NRG1: variants seen among roughly 807,000 people sequenced by gnomAD.
NRG1 encodes neuregulin 1.
Under a neutral mutation model 63.8 loss-of-function variants are expected in NRG1, and 18 were observed. The ratio of observed to expected loss-of-function variants is 0.28; its 90% CI spans 0.19 to 0.42. NRG1 has a LOEUF of 0.42. Ranked by LOEUF, NRG1 falls within the 10% of genes least tolerant of loss-of-function variation. The probability of loss-of-function intolerance (pLI) is 1.00; values close to 1 mark genes in which losing one functional copy is unlikely to be tolerated. For missense variants in NRG1, 762 were observed against 814.7 expected (o/e 0.94, Z 0.79); for synonymous variants, 302 against 301.3 (o/e 1.00, Z -0.02).
At chr8:32,589,948 T>C (rs1160372961) in intron 1 of NRG1, among the ~76,000 whole-genome samples, 1 of 152,200 alleles carries the variant, frequency 6.6e-6, no homozygotes, top group Non-Finnish European at 1.5e-5. Flanking sequence ...TATAAGTATT[T>C]TTGGATTACA....
At chr8:31,776,172 G>C (rs1004893119) in intron 1 of NRG1, among the ~76,000 whole-genome samples, 1 of 152,192 alleles carries the variant, frequency 6.6e-6, no homozygotes, top group South Asian at 2.1e-4. Context: ...TGGAACTCGA[G>C]GGGTTGGCCA....
intron 1 of NRG1, among the ~76,000 whole-genome samples, chr8:32,530,506 T>C (rs1452725250): frequency 5.3e-5 from 8 of 152,094 alleles, no homozygotes; most frequent in Non-Finnish European, 2.9e-5. Context: ...AATAATAAAT[T>C]AAGTTGTTTG....
intron 1 of NRG1, among the ~76,000 whole-genome samples, chr8:32,174,155 G>A (rs567394006): frequency 6.6e-6 from 1 of 152,180 alleles, no homozygotes; most frequent in Non-Finnish European, 1.5e-5. Flanking sequence ...AGACCACAGT[G>A]CAATCAAACT....
chr8:31,784,702 C>A (rs1820015935), intron 1 of NRG1, among the ~76,000 whole-genome samples: 1 of 152,178 alleles, frequency 6.6e-6, no homozygotes, highest in South Asian at 2.1e-4. Context: ...GACTTCTCAG[C>A]ACCTGTGATG....
Position 32,742,790 on chromosome 8 carries a change from C to CT in NRG1, c.691+60dup. ...ATAGGAGCATGCTCAGTTGGTGCTGCTTTCTTGTTGCTGCATCTCCCCTCA... is the reference window on the plus strand; with the variant it reads ...ATAGGAGCATGCTCAGTTGGTGCTGCTTTTCTTGTTGCTGCATCTCCCCTCA... On this transcript the variant is annotated intron_variant, in intron 7 of 11. Coordinates refer to ENST00000356819, the Ensembl canonical transcript of NRG1. The surrounding 1 kb of genome is among the most constrained non-coding windows in gnomAD (Gnocchi z 4.2). 1 of 1,613,268 alleles carries CT rather than the reference C, an allele frequency of 6.2e-7. No individual in the cohort carries two copies.
intron 1 of NRG1, among the ~76,000 whole-genome samples, chr8:31,961,696 A>G (rs1222800604): frequency 1.3e-5 from 2 of 152,088 alleles, no homozygotes; most frequent in East Asian, 1.9e-4. Context: ...TTCTTTTCCA[A>G]CTGAGATTGG....
chr8:31,981,028 A>G (rs138239738), intron 1 of NRG1, among the ~76,000 whole-genome samples: 178 of 152,156 alleles, frequency 1.2e-3, no homozygotes, highest in Middle Eastern at 6.8e-3. Flanking sequence ...GCTAACCCAG[A>G]AGATATTTAT....
chr8:32,344,418 CATGTGTGTGTGTGTGTGT>C (rs1357020197), intron 1 of NRG1, among the ~76,000 whole-genome samples: 3 of 92,446 alleles, frequency 3.2e-5, no homozygotes, highest in African/African-American at 9.8e-5. Flanking sequence ...TGCGTGCATG[CATGTGTGTGTGTGTGTGT>C]GTGTGTGTGT....
chr8:31,999,921 A>T (rs929603171), intron 1 of NRG1, among the ~76,000 whole-genome samples: 1 of 151,902 alleles, frequency 6.6e-6, no homozygotes, highest in African/African-American at 2.4e-5. Flanking sequence ...AGCAGTTTGT[A>T]TTTAAGCCTG....
intron 1 of NRG1, among the ~76,000 whole-genome samples, chr8:31,768,508 A>G (rs1265919116): frequency 1.3e-5 from 2 of 152,142 alleles, no homozygotes; most frequent in Non-Finnish European, 2.9e-5. Flanking sequence ...TAGCCCACTG[A>G]AGTTATAACT....
At chr8:32,000,003 G>A (rs887954362) in intron 1 of NRG1, among the ~76,000 whole-genome samples, 3 of 151,936 alleles carry the variant, frequency 2.0e-5, no homozygotes, top group Non-Finnish European at 4.4e-5. Context: ...AGAATTGTAT[G>A]AACAAAGGAA....
In NRG1 at chr8:32,402,934, CCTTACATCA is replaced by C. The variant is rs548264568; in HGVS notation, c.38-192886_38-192878del. Among the ~76,000 whole-genome samples, 409 of 152,156 alleles carry C rather than the reference CCTTACATCA, an allele frequency of 2.7e-3. 2 individuals are homozygous for C. The highest frequency in any genetic ancestry group is 9.2e-3 in the African/African-American group (384 of 41,516). ...GGGATTACTCTATGTATTTTCGTAT[CCTTACATCA>C]CTTACATTATTTTTCCTCAGCCTTG... On this transcript the variant is annotated intron_variant, in intron 1 of 10. Transcript: ENST00000519301.
chr8:31,726,248 G>A (rs797000115), intron 1 of NRG1, among the ~76,000 whole-genome samples: 1 of 152,054 alleles, frequency 6.6e-6, no homozygotes. Context: ...AACAAATAAA[G>A]TTTTAAATAC....
intron 8 of NRG1, among the ~76,000 whole-genome samples, chr8:32,756,040 C>G (rs1441090302): frequency 6.6e-6 from 1 of 152,148 alleles, no homozygotes; most frequent in African/African-American, 2.4e-5. Flanking sequence ...CCCCACCCAG[C>G]CCAGCACAAA....
rs1231696665 is a variant in NRG1, at chr8:31,859,000, A to G, written c.37+219569A>G. Among the ~76,000 whole-genome samples the G allele has an allele frequency of 3.9e-5, 6 of 152,350 alleles. 1 individual carries two copies. The East Asian group carries it at 1.2e-3, about 29-fold the overall frequency. ...AGGAGTTCATCAAATCCTGAAGTAT[A>G]GATTTTTATGCTACAGAAATAAACA... On this transcript the variant is annotated intron_variant, in intron 1 of 10. Transcript: ENST00000519301.
At chr8:31,693,881 A>C (rs1190768945) in intron 1 of NRG1, among the ~76,000 whole-genome samples, 5 of 152,156 alleles carry the variant, frequency 3.3e-5, no homozygotes, top group African/African-American at 1.2e-4. Context: ...TGTGTTGCCC[A>C]GGCTGGAGGG....
chr8:31,869,132 TG>T (rs1829259183), intron 1 of NRG1, among the ~76,000 whole-genome samples: 1 of 152,202 alleles, frequency 6.6e-6, no homozygotes, highest in Non-Finnish European at 1.5e-5. Flanking sequence ...TCATCAATTT[TG>T]GGTCTCTCTT....
At chr8:31,639,526 C>T in intron 1 of NRG1, 10 of 1,493,254 alleles carry the variant, frequency 6.7e-6, no homozygotes, top group Non-Finnish European at 8.9e-6. Flanking sequence ...CTCTCCCTCG[C>T]GCTCTCTCCC....
exon 1 of NRG1, chr8:31,639,303 A>T (rs963392076): frequency 8.1e-6 from 12 of 1,472,458 alleles, no homozygotes; most frequent in African/African-American, 1.4e-5. Context: ...CTCCCATTGC[A>T]GCACTCGGGG....
Sources: gnomAD v4.1 joint callset for allele counts (sites outside exome capture counted in the v4.1 genomes callset) on GRCh38, gnomAD v4.1.1 for gene constraint, Gnocchi (gnomAD v3.1) non-coding constraint, MANE v1.5 for transcripts, NCBI Gene and HGNC (gene_info 2026-07-23, HGNC 2026-07-21) for gene names.